Variants in DPP6 observed in about 807,000 individuals in gnomAD.
DPP6 encodes dipeptidyl peptidase like 6, also known as A-type potassium channel modulatory protein DPP6.
In DPP6, 69 loss-of-function variants were observed where a neutral mutation model predicts 122.6. The ratio of observed to expected loss-of-function variants is 0.56; its 90% CI spans 0.46 to 0.69. The LOEUF (loss-of-function observed/expected upper bound fraction) is 0.69. Among genes scored for constraint, DPP6 ranks in the 30% least tolerant of loss-of-function variants. The pLI, the probability that DPP6 is intolerant of heterozygous loss-of-function variation, is 0.00. For synonymous variants in DPP6, 418 were observed against 433.1 expected, an observed-to-expected ratio of 0.97 and a Z score of 0.43; for missense variants, 928 against 1,116.9, an observed-to-expected ratio of 0.83 and a Z score of 2.41.
the DPP6 span, among the ~76,000 whole-genome samples, chr7:153,841,290 C>A: frequency 6.6e-6 from 1 of 152,182 alleles, no homozygotes; most frequent in East Asian, 1.9e-4. Flanking sequence ...TATCAGTTAT[C>A]ACTAAATTAT....
Position 154,794,091 on chromosome 7 carries a change from C to T in DPP6, c.1149C>T (p.Ile383=), listed in dbSNP as rs1233192033. 1.9e-6 allele frequency: 3 copies of T among 1,613,548 alleles called. No homozygotes were observed. The highest frequency in any genetic ancestry group is 1.7e-5 in the Admixed American group (1 of 59,996). The change falls in exon 11 of 26, where the codon ATC becomes ATT. Residue 383 remains isoleucine (I), a synonymous_variant. Coordinates refer to ENST00000377770, the MANE Select transcript of DPP6 (RefSeq NM_130797.4). ...TTGGCGTTTCCAGGGAGTACTACAT[C>T]ACCATGGTGAAGTGGGCCACCAGCA... ...PDDPRMREYY[I]TMVKWATSTK...
At chr7:154,155,945 A>G (rs1796655544) in intron 1 of DPP6, among the ~76,000 whole-genome samples, 1 of 152,202 alleles carries the variant, frequency 6.6e-6, no homozygotes, top group South Asian at 2.1e-4. Context: ...GGATGGTGTC[A>G]TCCTTAGACC....
intron 1 of DPP6, among the ~76,000 whole-genome samples, chr7:154,123,342 T>A (rs2150611597): frequency 6.6e-6 from 1 of 152,344 alleles, no homozygotes; most frequent in African/African-American, 2.4e-5. Flanking sequence ...TAGTTTAAAT[T>A]CAATTAAAGC....
chr7:154,474,535 A>G (rs995736840), intron 2 of DPP6, among the ~76,000 whole-genome samples: 2 of 152,268 alleles, frequency 1.3e-5, no homozygotes, highest in Admixed American at 6.5e-5. Context: ...CTCAGCAGCT[A>G]AAATGCTGCA....
intron 1 of DPP6, among the ~76,000 whole-genome samples, chr7:154,165,722 C>T (rs1797215437): frequency 1.3e-5 from 2 of 152,144 alleles, no homozygotes; most frequent in Non-Finnish European, 2.9e-5. Flanking sequence ...GATGGTATCT[C>T]ATTGTGGTTT....
the DPP6 span, among the ~76,000 whole-genome samples, chr7:153,876,412 AC>A: frequency 6.6e-6 from 1 of 151,842 alleles, no homozygotes; most frequent in Non-Finnish European, 1.5e-5. Context: ...AATCACACAC[AC>A]ACACACACAC....
At chr7:154,129,461 CT>C (rs1440772423) in intron 1 of DPP6, among the ~76,000 whole-genome samples, 1 of 152,176 alleles carries the variant, frequency 6.6e-6, no homozygotes, top group African/African-American at 2.4e-5. Flanking sequence ...TTGACTTAAC[CT>C]TTTGAAAACA....
At chr7:154,725,524 C>G (rs1842023234) in intron 7 of DPP6, among the ~76,000 whole-genome samples, 2 of 152,092 alleles carry the variant, frequency 1.3e-5, no homozygotes, top group African/African-American at 4.8e-5. Context: ...CATGAGAATT[C>G]ACTCACTATC....
chr7:154,654,429 CT>C (rs1227168751), intron 6 of DPP6, among the ~76,000 whole-genome samples: 1 of 148,020 alleles, frequency 6.8e-6, no homozygotes, highest in Non-Finnish European at 1.5e-5. Flanking sequence ...TTCTTTCTTT[CT>C]TTTTTTGATA....
the DPP6 span, among the ~76,000 whole-genome samples, chr7:153,853,680 G>T: frequency 1.3e-5 from 2 of 152,184 alleles, 1 homozygote; most frequent in South Asian, 4.1e-4. Flanking sequence ...GGAACTCCTG[G>T]ATCTATGGGT....
At chr7:154,673,498 G>A (rs866040574) in intron 7 of DPP6, among the ~76,000 whole-genome samples, 13 of 152,192 alleles carry the variant, frequency 8.5e-5, no homozygotes, top group Admixed American at 2.0e-4. Context: ...AATGACTGCA[G>A]GGGGAGTGGC....
rs2150455585 is a variant in DPP6 at position 154,803,738 on chromosome 7, A to G, written c.1408-126A>G. 3.6e-6 allele frequency: 5 copies of G among 1,393,030 alleles called. No individual in the cohort carries two copies. The South Asian group carries it at 5.9e-5, about 16-fold the overall frequency. 86.3% of individuals were successfully genotyped at this position (1,393,030 alleles called of 1,614,324 possible). A position where few individuals can be genotyped will look rare whatever the true frequency, so the allele number is the denominator to read the frequency against. On this transcript the variant is annotated intron_variant, in intron 13 of 25. Transcript: ENST00000377770. Reference sequence around the variant, plus strand: ...GGAGAGGAGCAGGCAGAAGGGGCAGAGAGCCCTTCCCACAGAGAGAATGGC... The same window carrying G: ...GGAGAGGAGCAGGCAGAAGGGGCAGGGAGCCCTTCCCACAGAGAGAATGGC...
intron 1 of DPP6, among the ~76,000 whole-genome samples, chr7:153,997,820 C>A (rs1336447370): frequency 8.6e-5 from 13 of 151,144 alleles, no homozygotes; most frequent in African/African-American, 2.9e-4. Flanking sequence ...GGTCTGCGTT[C>A]ATGCCACCTA....
chr7:153,800,595 C>G, the DPP6 span, among the ~76,000 whole-genome samples: 1 of 152,194 alleles, frequency 6.6e-6, no homozygotes, highest in Non-Finnish European at 1.5e-5. Context: ...CGGCTCACTG[C>G]AACCTCCACC....
chr7:154,566,488 A>G (rs531950360), intron 4 of DPP6, among the ~76,000 whole-genome samples: 23 of 151,870 alleles, frequency 1.5e-4, no homozygotes, highest in African/African-American at 5.6e-4. Context: ...ATGGGGTTTC[A>G]CCATGTTGGC....
intron 21 of DPP6, 188 bp from the exon 22 acceptor site, chr7:154,885,445 G>A (rs1364753903): frequency 8.2e-6 from 6 of 729,546 alleles, no homozygotes; most frequent in Admixed American, 3.0e-5. Context: ...GCATAATGCT[G>A]AGTTGGAAGG....
rs539374097 is a variant in DPP6, at chr7:154,384,587, A to G, written c.244-61627A>G. Reference sequence around the variant, plus strand: ...CTGTCTGTTGTCACACTGCCTCTCTATACTAACAGTTTTTTAGTGAAAAAC... The same window carrying G: ...CTGTCTGTTGTCACACTGCCTCTCTGTACTAACAGTTTTTTAGTGAAAAAC... On this transcript the variant is annotated intron_variant, in intron 1 of 25. Coordinates refer to ENST00000377770, the MANE Select transcript of DPP6 (RefSeq NM_130797.4). 5.9e-5 allele frequency among the ~76,000 whole-genome samples: 9 copies of G among 152,316 alleles called. No individual in the cohort carries two copies. In the East Asian group the frequency reaches 9.7e-4, roughly 16 times the overall value.
chr7:154,534,421 A>C (rs1248041377), intron 3 of DPP6, among the ~76,000 whole-genome samples: 1 of 152,170 alleles, frequency 6.6e-6, no homozygotes, highest in Non-Finnish European at 1.5e-5. Flanking sequence ...AGGTACACAG[A>C]TTTGAAAGGA....
chr7:154,528,370 G>T lies in DPP6; in HGVS notation c.458-12162G>T, dbSNP rs182883260. ...AACGATAATTGAATCTCATAAAGAG[G>T]CACAAAAGGTATAATTTGACAAAAA... On this transcript the variant is annotated intron_variant, in intron 3 of 25. Transcript: ENST00000377770. 5.5e-4 allele frequency among the ~76,000 whole-genome samples: 84 copies of T among 152,238 alleles called. 1 individual carries two copies. Among genetic ancestry groups the T allele is most frequent in the African/African-American group, 1.8e-3 (75 of 41,532 alleles).
Sources: gnomAD v4.1 joint callset for allele counts (sites outside exome capture counted in the v4.1 genomes callset) on GRCh38, gnomAD v4.1.1 for gene constraint, MANE v1.5 for transcripts, NCBI Gene and HGNC (gene_info 2026-07-23, HGNC 2026-07-21) for gene names.